SAGE1: variants seen among roughly 807,000 people sequenced by gnomAD.
SAGE1 encodes the protein sarcoma antigen 1, also known as cancer/testis antigen 14.
A neutral mutation model predicts 55.4 loss-of-function variants in SAGE1; 55 were observed. That is an observed-to-expected ratio of 0.99 (90% CI 0.80 to 1.24). The LOEUF is 1.24. SAGE1 is among the 50% of genes most tolerant of loss of function. The pLI is 0.00. For missense variants in SAGE1, 710 were observed against 704.4 expected, an observed-to-expected ratio of 1.01 and a Z score of -0.09; for synonymous variants, 240 against 244.3, an observed-to-expected ratio of 0.98 and a Z score of 0.17.
intron 1 of SAGE1, among the ~76,000 whole-genome samples, chrX:135,894,405 G>T (rs1469207092): frequency 1.8e-5 from 2 of 112,593 alleles, no homozygotes; most frequent in Non-Finnish European, 3.7e-5. Flanking sequence ...TGTCTTCCAA[G>T]AATTTTTTCC....
At chrX:135,902,765 C>G (rs1357080100) in intron 3 of SAGE1, among the ~76,000 whole-genome samples, 3 of 111,629 alleles carry the variant, frequency 2.7e-5, no homozygotes, top group Non-Finnish European at 5.6e-5. Flanking sequence ...TTATTACTCT[C>G]TCATTTCCCA....
intron 19 of SAGE1, 107 bp downstream of exon 19, chrX:135,912,521 C>T: frequency 8.5e-7 from 1 of 1,171,564 alleles, no homozygotes; most frequent in Non-Finnish European, 1.1e-6. Flanking sequence ...GGCCCTCAAT[C>T]ATAGTTCATG....
chrX:135,907,158 T>G, intron 8 of SAGE1, 92 bp downstream of exon 8: 1 of 1,056,717 alleles, frequency 9.5e-7, no homozygotes, highest in Non-Finnish European at 1.3e-6. Flanking sequence ...TTGTATCATC[T>G]ATCTTGAGCT....
In SAGE1 at chrX:135,906,492, G is replaced by A. The variant is rs782651993; in HGVS notation, c.677G>A (p.Arg226Gln). 15 of 1,208,759 alleles carry A rather than the reference G, an allele frequency of 1.2e-5. No individual in the cohort carries two copies. In the East Asian group the frequency reaches 2.1e-4, roughly 17 times the overall value. ...CCTGATAACGTGTTGTTGACTCTTC[G>A]ACCACGGCGTATTAATATGACAGAC... ...PAPDNVLLTL[R>Q]PRRINMTDTG... The change falls in exon 7 of 20, where the codon CGA becomes CAA. Residue 226 changes from arginine to glutamine, a missense_variant. By Grantham distance (43) the Arg-to-Gln change is conservative. Coordinates refer to ENST00000370709, the MANE Select transcript of SAGE1 (RefSeq NM_001381902.1).
chrX:135,910,301 G>A, intron 15 of SAGE1, 114 bp from the exon 16 acceptor site: 2 of 1,043,482 alleles, frequency 1.9e-6, no homozygotes, highest in Non-Finnish European at 2.6e-6. Context: ...TTGCTACCTG[G>A]TATATCCTCC....
At position 135,912,841 on chromosome X, in the gene SAGE1, A is replaced by G. The variant is rs781950884; in HGVS notation, c.2659A>G (p.Lys887Glu). ...VLIQQLEKALKEIDSHCHLRK... is the reference protein window; with the variant it reads ...VLIQQLEKALEEIDSHCHLRK... ...AATTCAGCAACTCGAGAAGGCGCTT[A>G]AAGAAATAGATTCCCACTGCCATCT... is the stretch of plus-strand genomic sequence containing the variant. The change falls in exon 20 of 20, where the codon AAA becomes GAA. Residue 887 changes from lysine (K) to glutamate (E), a missense_variant. Coordinates refer to ENST00000370709, the MANE Select transcript of SAGE1 (RefSeq NM_001381902.1). 17 of 1,210,307 alleles carry G rather than the reference A, an allele frequency of 1.4e-5. No individual in the cohort carries two copies. The highest frequency in any genetic ancestry group is 1.8e-5 in the Non-Finnish European group (16 of 894,379).
chrX:135,900,873 G>A (rs2088663292), intron 2 of SAGE1, among the ~76,000 whole-genome samples: 1 of 111,129 alleles, frequency 9.0e-6, no homozygotes, highest in Non-Finnish European at 1.9e-5. Flanking sequence ...GAGGCCGGGT[G>A]TGGTGGCTCG....
At chrX:135,900,883 G>A (rs1240583590) in intron 2 of SAGE1, among the ~76,000 whole-genome samples, 3 of 110,620 alleles carry the variant, frequency 2.7e-5, no homozygotes, top group African/African-American at 6.6e-5. Context: ...GTGGTGGCTC[G>A]CACCTGTAAT....
chrX:135,900,817 A>C (rs2088662583), intron 2 of SAGE1, among the ~76,000 whole-genome samples: 1 of 111,234 alleles, frequency 9.0e-6, no homozygotes, highest in Non-Finnish European at 1.9e-5. Context: ...TCATCTAATA[A>C]AGTATTAATG....
chrX:135,912,132 G>A lies in SAGE1; in HGVS notation c.2521+179G>A. The A allele has an allele frequency of 2.8e-6, 3 of 1,090,205 alleles. No individual in the cohort carries two copies. In the South Asian group the frequency reaches 7.5e-5, roughly 27 times the overall value. The allele number at this position is 1,090,205 out of a possible 1,213,427, so 89.8% of individuals were successfully genotyped here. Reference sequence around the variant, plus strand: ...GCTAATATGTCTGCTTAAGTGTTTTGTTTTCCTTTGTTAGTGTTCACAATA... The same window carrying A: ...GCTAATATGTCTGCTTAAGTGTTTTATTTTCCTTTGTTAGTGTTCACAATA... On this transcript the variant is annotated intron_variant, in intron 18 of 19. Transcript: ENST00000370709.
intron 17 of SAGE1, 74 bp from the exon 18 acceptor site, chrX:135,911,505 G>T: frequency 1.1e-6 from 1 of 900,622 alleles, no homozygotes; most frequent in Admixed American, 2.4e-5. Flanking sequence ...TAGAAACTGG[G>T]CATCGGAGGG....
chrX:135,903,100 C>G (rs1236489092), intron 3 of SAGE1, among the ~76,000 whole-genome samples: 1 of 111,568 alleles, frequency 9.0e-6, no homozygotes, highest in Non-Finnish European at 1.9e-5. Flanking sequence ...TAACATGGGT[C>G]CCATCCATTT....
Position 135,908,901 on chromosome X carries a change from G to A in SAGE1, c.1479G>A (p.Met493Ile). 1 of 1,209,308 alleles carries A rather than the reference G, an allele frequency of 8.3e-7. No homozygotes were observed. Among genetic ancestry groups the A allele is most frequent in the African/African-American group, 1.7e-5 (1 of 57,475 alleles). ...TITHSVREEK[M>I]ESGKPQTDKV... ...CTCACAGTGTTCGTGAAGAGAAGAT[G>A]GAAAGTGGCAAACCCCAAACTGATA... Residue 493 changes from methionine (M) to isoleucine (I), a missense_variant, in exon 13 of 20, where the codon ATG (methionine) becomes ATA (isoleucine). Coordinates refer to ENST00000370709, the MANE Select transcript of SAGE1 (RefSeq NM_001381902.1).
In SAGE1 at chrX:135,893,770, C is replaced by T. The variant is rs1192522868; in HGVS notation, c.-12C>T. On this transcript the variant is annotated 5_prime_UTR_variant, in exon 1 of 20. Coordinates refer to ENST00000370709, the MANE Select transcript of SAGE1 (RefSeq NM_001381902.1). Reference sequence around the variant, plus strand: ...AGGAACACAGAACCTTCTCACACAGCGGGATAAAAGGGTGAATTTGGAGCT... The same window carrying T: ...AGGAACACAGAACCTTCTCACACAGTGGGATAAAAGGGTGAATTTGGAGCT... Among the ~76,000 whole-genome samples the T allele has an allele frequency of 9.8e-5, 11 of 111,803 alleles. No individual in the cohort carries two copies. The highest frequency in any genetic ancestry group is 7.5e-4 in the Admixed American group (8 of 10,637).
intron 13 of SAGE1, 74 bp downstream of exon 13, chrX:135,909,078 G>C (rs1556604494): frequency 3.1e-6 from 3 of 957,275 alleles, no homozygotes; most frequent in Non-Finnish European, 4.4e-6. Context: ...GGGTAGATGT[G>C]GTTTTGTAGT....
At chrX:135,899,640 C>A (rs1445338416) in intron 2 of SAGE1, among the ~76,000 whole-genome samples, 2 of 111,612 alleles carry the variant, frequency 1.8e-5, no homozygotes, top group East Asian at 5.6e-4. Context: ...GAATGTTTTT[C>A]CATTCATTTA....
rs782282825 is a variant in SAGE1 at position 135,909,741 on chromosome X, C to T, written c.1685C>T (p.Thr562Ile). 1.4e-5 allele frequency: 17 copies of T among 1,204,643 alleles called. No homozygotes were observed. The highest frequency in any genetic ancestry group is 3.0e-5 in the East Asian group (1 of 33,756). Residue 562 changes from threonine to isoleucine, a missense_variant, in exon 14 of 20, where the codon ACA becomes ATA. Coordinates refer to ENST00000370709, the MANE Select transcript of SAGE1 (RefSeq NM_001381902.1). ...STVLPGLTYL[T>I]VAGIPAMSTR... The stretch of plus-strand genomic sequence containing the variant: ...GTTCTACCAGGACTTACTTATTTGA[C>T]AGTAGCTGGTATTCCGGCCATGAGT...
chrX:135,912,318 C>T lies in SAGE1; in HGVS notation c.2522-3C>T. 2.5e-6 allele frequency: 3 copies of T among 1,183,056 alleles called. No individual in the cohort carries two copies. Among genetic ancestry groups the T allele is most frequent in the Non-Finnish European group, 3.4e-6 (3 of 883,026 alleles). Reference sequence around the variant, plus strand: ...GAAATACTAATTTTTAAAATATCTTCAGATTATGAAAGAATTTTCATTTTG... The same window carrying T: ...GAAATACTAATTTTTAAAATATCTTTAGATTATGAAAGAATTTTCATTTTG... On this transcript the variant is annotated splice_region_variant and splice_polypyrimidine_tract_variant and intron_variant, in intron 18 of 19. Coordinates refer to ENST00000370709, the MANE Select transcript of SAGE1 (RefSeq NM_001381902.1).
In SAGE1 at chrX:135,905,992, C is replaced by G. The variant is rs2088778834; in HGVS notation, c.455-32C>G. On this transcript the variant is annotated intron_variant, in intron 5 of 19. Transcript: ENST00000370709. ...TGTGGCACTGACGTAATGCACTTAC[C>G]TCACAGCTTGAACTCTTCATTTGGT... The G allele has an allele frequency of 2.6e-6, 3 of 1,170,918 alleles. No individual in the cohort carries two copies. In the East Asian group the frequency reaches 9.0e-5, roughly 35 times the overall value.
Sources: allele counts gnomAD v4.1 joint callset (sites outside exome capture counted in the v4.1 genomes callset), GRCh38; gene constraint gnomAD v4.1.1; transcripts MANE v1.5; gene names NCBI Gene and HGNC (gene_info 2026-07-23, HGNC 2026-07-21).